The following OXNAD1 variants were observed in gnomAD, a reference collection of about 807,000 sequenced individuals.
OXNAD1 encodes oxidoreductase NAD-binding domain-containing protein 1.
OXNAD1 carries 34 observed loss-of-function variants against 32.9 expected under a neutral mutation model. The ratio of observed to expected loss-of-function variants is 1.03; its 90% CI spans 0.79 to 1.38. The LOEUF is 1.38. Ranked by LOEUF, OXNAD1 falls within the 40% of genes most tolerant of loss-of-function variation. The pLI, the probability that OXNAD1 is intolerant of heterozygous loss-of-function variation, is 0.00. For synonymous variants in OXNAD1, 134 were observed against 135.2 expected, an observed-to-expected ratio of 0.99 and a Z score of 0.06; for missense variants, 407 against 379.4, an observed-to-expected ratio of 1.07 and a Z score of -0.60.
rs2065398927 is a variant in OXNAD1, at chr3:16,277,153, T to C, written c.183+5431T>C. Among the ~76,000 whole-genome samples the C allele has an allele frequency of 6.6e-6, 1 of 152,102 alleles. No individual in the cohort carries two copies. Among genetic ancestry groups the C allele is most frequent in the Admixed American group, 6.5e-5 (1 of 15,268 alleles). On this transcript the variant is annotated intron_variant, in intron 4 of 8. Coordinates refer to ENST00000285083, the MANE Select transcript of OXNAD1 (RefSeq NM_138381.5). The surrounding 1 kb of genome is among the most constrained non-coding windows in gnomAD (Gnocchi z 4.3). The stretch of plus-strand genomic sequence containing the variant: ...TGTGTTGGCCAGGCTTGTCTTGAAC[T>C]CCTGACCTCATGATCTGCCCTCCTC...
At chr3:16,319,037 CA>C (rs2068744644) in intron 9 of OXNAD1, among the ~76,000 whole-genome samples, 1 of 152,202 alleles carries the variant, frequency 6.6e-6, no homozygotes, top group African/African-American at 2.4e-5. Flanking sequence ...ACCAAGCCTC[CA>C]TAGTTTCCAG....
chr3:16,312,314 T>G lies in OXNAD1; in HGVS notation c.*30+8722T>G, dbSNP rs1206480741. Among the ~76,000 whole-genome samples, 1 of 152,210 alleles carries G rather than the reference T, an allele frequency of 6.6e-6. No individual in the cohort carries two copies. The highest frequency in any genetic ancestry group is 6.5e-5 in the Admixed American group (1 of 15,284). On this transcript the variant is annotated intron_variant, in intron 9 of 9. Coordinates refer to the OXNAD1 transcript ENST00000435829. The surrounding 1 kb of genome is among the most constrained non-coding windows in gnomAD (Gnocchi z 4.7). Reference sequence around the variant, plus strand: ...TCCTGGGAAGCTGCATCAGTGGTTTTGGCGGGTCATAGTGCAGGCAGAGCA... The same window carrying G: ...TCCTGGGAAGCTGCATCAGTGGTTTGGGCGGGTCATAGTGCAGGCAGAGCA...
chr3:16,331,963 A>G (rs1294930674), intron 9 of OXNAD1, among the ~76,000 whole-genome samples: 1 of 152,248 alleles, frequency 6.6e-6, no homozygotes, highest in Admixed American at 6.5e-5. Flanking sequence ...GATGTCAGCA[A>G]TGCTATTGAG....
intron 9 of OXNAD1, among the ~76,000 whole-genome samples, chr3:16,331,974 A>G (rs1041944784): frequency 2.0e-5 from 3 of 152,236 alleles, no homozygotes; most frequent in African/African-American, 7.2e-5. Flanking sequence ...TGCTATTGAG[A>G]TAATCTATTC....
chr3:16,347,058 T>C (rs898044505), intron 9 of OXNAD1, among the ~76,000 whole-genome samples: 1 of 152,190 alleles, frequency 6.6e-6, no homozygotes, highest in African/African-American at 2.4e-5. Flanking sequence ...ACCACCCTTA[T>C]TCTATTTCCC....
At chr3:16,330,246 C>G (rs2070175906) in intron 9 of OXNAD1, among the ~76,000 whole-genome samples, 4 of 152,200 alleles carry the variant, frequency 2.6e-5, no homozygotes, top group Admixed American at 2.6e-4. Context: ...AGATGTTGCA[C>G]TCTGCCAGAC....
At chr3:16,333,065 A>G (rs1559824895) in intron 9 of OXNAD1, among the ~76,000 whole-genome samples, 1 of 152,248 alleles carries the variant, frequency 6.6e-6, no homozygotes, top group African/African-American at 2.4e-5. Context: ...AGCCAACAGC[A>G]CTATAACTCA....
At chr3:16,306,583 T>C (rs899495267), downstream of OXNAD1, among the ~76,000 whole-genome samples, 2 of 152,160 alleles carry the variant, frequency 1.3e-5, no homozygotes, top group African/African-American at 2.4e-5. Flanking sequence ...TTACACCCCC[T>C]ACACATATAC....
At position 16,298,141 on chromosome 3, in the gene OXNAD1, C is replaced by T. The variant is rs947986970; in HGVS notation, c.432+3144C>T. On this transcript the variant is annotated intron_variant, in intron 6 of 8. Transcript: ENST00000285083. This position sits in a 1 kb window ranked among gnomAD's most constrained non-coding sequence, Gnocchi z 5.1. ...TTACCCTGCAACCTTCTGAGTCTCT[C>T]CGTCAGTGTGGCCTCAGCTGCCTCA... 4.6e-5 allele frequency among the ~76,000 whole-genome samples: 7 copies of T among 152,278 alleles called. No individual in the cohort carries two copies. The South Asian group carries it at 1.5e-3, about 32-fold the overall frequency.
chr3:16,316,795 A>T lies in OXNAD1; in HGVS notation c.*30+13203A>T. 6.2e-7 allele frequency: 1 copy of T among 1,612,146 alleles called. No homozygotes were observed. Among genetic ancestry groups the T allele is most frequent in the Non-Finnish European group, 8.5e-7 (1 of 1,179,494 alleles). ...TTGGTAAGATGCCTTGGGTTTGGCA[A>T]CTCACCTAGTTTTAGCACAAATTGC... On this transcript the variant is annotated intron_variant, in intron 9 of 9. Coordinates refer to the OXNAD1 transcript ENST00000435829. The surrounding 1 kb of genome is among the most constrained non-coding windows in gnomAD (Gnocchi z 4.5).
At chr3:16,338,785 G>A (rs755419308), downstream of OXNAD1, among the ~76,000 whole-genome samples, 21 of 152,158 alleles carry the variant, frequency 1.4e-4, no homozygotes, top group Non-Finnish European at 2.6e-4. The surrounding 1 kb of genome is among the most constrained non-coding windows in gnomAD (Gnocchi z 5.3). Flanking sequence ...AAAGAGAAAA[G>A]GGATTGAAAA....
intron 4 of OXNAD1, among the ~76,000 whole-genome samples, chr3:16,281,433 A>G (rs185046782): frequency 2.7e-4 from 41 of 152,332 alleles, no homozygotes; most frequent in African/African-American, 9.9e-4. Flanking sequence ...ACTCAAAGGA[A>G]ATGCTCATTG....
chr3:16,343,251 A>G (rs1186820817), intron 9 of OXNAD1, among the ~76,000 whole-genome samples: 1 of 152,154 alleles, frequency 6.6e-6, no homozygotes, highest in Non-Finnish European at 1.5e-5. Flanking sequence ...GTGGTAATGG[A>G]ACATCCAAGT....
At chr3:16,337,715 C>T (rs2070991036), downstream of OXNAD1, among the ~76,000 whole-genome samples, 1 of 146,510 alleles carries the variant, frequency 6.8e-6, no homozygotes, top group Admixed American at 6.9e-5. This position sits in a 1 kb window ranked among gnomAD's most constrained non-coding sequence, Gnocchi z 5.0. Context: ...GCACTCCAGC[C>T]TGGCGACAGA....
intron 9 of OXNAD1, among the ~76,000 whole-genome samples, chr3:16,324,166 A>C (rs1396688309): frequency 3.9e-5 from 6 of 152,210 alleles, no homozygotes; most frequent in Non-Finnish European, 7.3e-5. Context: ...TAATTTACAA[A>C]TAATAATTGT....
chr3:16,303,468 T>C lies in OXNAD1; in HGVS notation c.845T>C (p.Ile282Thr), dbSNP rs199530349. The C allele has an allele frequency of 8.1e-6, 13 of 1,614,102 alleles. No individual in the cohort carries two copies. In the African/African-American group the frequency reaches 1.7e-4, roughly 22 times the overall value. Residue 282 changes from isoleucine (I) to threonine (T), a missense_variant, in exon 9 of 9, where the codon ATT becomes ACT. By Grantham distance (89) the Ile-to-Thr change is moderately conservative. Coordinates refer to ENST00000285083, the MANE Select transcript of OXNAD1 (RefSeq NM_138381.5). The surrounding 1 kb of genome is among the most constrained non-coding windows in gnomAD (Gnocchi z 4.8). ...ATTTCAAAAGAGACTTTGTTCTATA[T>C]TTGTGGCCCACCTCCAATGACAGAC... Reference protein sequence around the residue: ...DHISKETLFYICGPPPMTDFF... With the variant: ...DHISKETLFYTCGPPPMTDFF...
chr3:16,345,815 TGTGCGCGCGCGCGTGC>T lies in OXNAD1; in HGVS notation c.*31-3359_*31-3344del, dbSNP rs2071644016. ...GTGTGTGTGTGTGTGTGTGTGTGTG[TGTGCGCGCGCGCGTGC>T]GCGCACGCGCACATGTGCATGTGTA... is the stretch of plus-strand genomic sequence containing the variant. On this transcript the variant is annotated intron_variant, in intron 9 of 9. Coordinates refer to the OXNAD1 transcript ENST00000606098. This position sits in a 1 kb window ranked among gnomAD's most constrained non-coding sequence, Gnocchi z 5.2. 2.4e-5 allele frequency among the ~76,000 whole-genome samples: 2 copies of T among 82,346 alleles called. No homozygotes were observed. The highest frequency in any genetic ancestry group is 2.8e-4 in the East Asian group (1 of 3,602). 54.0% of individuals were successfully genotyped at this position (82,346 alleles called of 152,430 possible). A position where few individuals can be genotyped will look rare whatever the true frequency, so the allele number is the denominator to read the frequency against.
At chr3:16,349,423 A>G (rs1211955332) in exon 10 of OXNAD1, 3 of 152,298 alleles carry the variant, frequency 2.0e-5, no homozygotes, top group Non-Finnish European at 2.9e-5. Context: ...AGTAAGGCAA[A>G]CCCAAAAGAG....
chr3:16,306,820 G>A (rs1339565020), downstream of OXNAD1, among the ~76,000 whole-genome samples: 1 of 152,096 alleles, frequency 6.6e-6, no homozygotes, highest in Non-Finnish European at 1.5e-5. Context: ...GCTTCCTGTG[G>A]CATCACATGA....
Sources: allele counts gnomAD v4.1 joint callset (sites outside exome capture counted in the v4.1 genomes callset), GRCh38; gene constraint gnomAD v4.1.1; non-coding constraint Gnocchi (gnomAD v3.1); transcripts MANE v1.5; gene names NCBI Gene and HGNC (gene_info 2026-07-23, HGNC 2026-07-21).